The following MYOM1 variants were observed in gnomAD, a reference collection of about 807,000 sequenced individuals.
MYOM1 encodes the protein myomesin 1.
Under a neutral mutation model 205.3 loss-of-function variants are expected in MYOM1, and 164 were observed. The ratio of observed to expected loss-of-function variants is 0.80; its 90% CI spans 0.70 to 0.91. MYOM1 has a LOEUF of 0.91. MYOM1 is among the 40% of genes least tolerant of loss of function. The pLI, the probability that MYOM1 is intolerant of heterozygous loss-of-function variation, is 0.00. For missense variants in MYOM1, 2,011 were observed against 2,127.3 expected (o/e 0.95, Z 1.08); for synonymous variants, 772 against 789.4 (o/e 0.98, Z 0.37).
At chr18:3,214,064 T>A (rs549651598) in intron 2 of MYOM1, among the ~76,000 whole-genome samples, 5 of 152,342 alleles carry the variant, frequency 3.3e-5, no homozygotes, top group Admixed American at 6.5e-5. Flanking sequence ...CTATTATTCT[T>A]AGACTGACTG....
intron 2 of MYOM1, among the ~76,000 whole-genome samples, chr18:3,203,165 A>AT (rs1419784688): frequency 6.6e-6 from 1 of 151,502 alleles, no homozygotes; most frequent in African/African-American, 2.4e-5. Context: ...AGGGACATAT[A>AT]TAGCTTTAAG....
intron 13 of MYOM1, among the ~76,000 whole-genome samples, chr18:3,147,253 C>T (rs2080142874): frequency 6.6e-6 from 1 of 150,600 alleles, no homozygotes; most frequent in Admixed American, 6.6e-5. Context: ...ATTTTCAATT[C>T]AAACAAATCT....
At chr18:3,182,538 G>A (rs1399629287) in intron 5 of MYOM1, among the ~76,000 whole-genome samples, 2 of 152,010 alleles carry the variant, frequency 1.3e-5, no homozygotes. Context: ...TAGGTAATAC[G>A]TTTACATGGT....
At chr18:3,165,323 AC>A (rs1415091130) in intron 9 of MYOM1, among the ~76,000 whole-genome samples, 1 of 152,190 alleles carries the variant, frequency 6.6e-6, no homozygotes, top group Non-Finnish European at 1.5e-5. Flanking sequence ...TATGGCTTTA[AC>A]CTGTGGAGGT....
intron 16 of MYOM1, among the ~76,000 whole-genome samples, chr18:3,132,592 T>C (rs1156724353): frequency 6.6e-6 from 1 of 152,184 alleles, no homozygotes; most frequent in African/African-American, 2.4e-5. Context: ...ATTAATAATA[T>C]GATCAATGAC....
Position 3,085,135 on chromosome 18 carries a change from A to C in MYOM1, c.4252-3T>G. On this transcript the variant is annotated splice_region_variant and splice_polypyrimidine_tract_variant and intron_variant, in intron 30 of 37. Coordinates refer to ENST00000356443, the MANE Select transcript of MYOM1 (RefSeq NM_003803.4). ...ATCCCAGCATCTTTCTTGGAAAACT[A>C]AGGGGGAATAGATATACCACATTGC... 1 of 1,599,862 alleles carries C rather than the reference A, an allele frequency of 6.3e-7. No homozygotes were observed. Among genetic ancestry groups the C allele is most frequent in the Non-Finnish European group, 8.5e-7 (1 of 1,172,766 alleles).
chr18:3,189,018 G>A lies in MYOM1; in HGVS notation c.501C>T (p.Ala167=), dbSNP rs2144151146. The stretch of plus-strand genomic sequence containing the variant: ...CCTCACTAGCAAGAAGATTCCTCTG[G>A]GCTATATAAGCAGCAGCTTCTTTAA... ...ERIKEAAAYI[A]QRNLLASEEG... The change falls in exon 4 of 38, where the codon GCC becomes GCT. Residue 167 remains alanine, a synonymous_variant. Transcript: ENST00000356443. This position sits in a 1 kb window ranked among gnomAD's most constrained non-coding sequence, Gnocchi z 4.8. The A allele has an allele frequency of 6.2e-7, 1 of 1,613,410 alleles. No homozygotes were observed. The highest frequency in any genetic ancestry group is 8.5e-7 in the Non-Finnish European group (1 of 1,179,804).
chr18:3,156,646 C>T (rs1177249996), intron 10 of MYOM1, among the ~76,000 whole-genome samples: 1 of 150,720 alleles, frequency 6.6e-6, no homozygotes, highest in African/African-American at 2.4e-5. Flanking sequence ...TGCTCTGTCA[C>T]CCAGGCTGGA....
chr18:3,184,645 G>A (rs2080785153), intron 5 of MYOM1, among the ~76,000 whole-genome samples: 2 of 152,176 alleles, frequency 1.3e-5, no homozygotes, highest in Non-Finnish European at 2.9e-5. Context: ...GCTCACTGAA[G>A]CCTTGTTGTT....
upstream of MYOM1, among the ~76,000 whole-genome samples, chr18:3,220,930 CATGT>C (rs1179830524): frequency 6.6e-6 from 1 of 152,196 alleles, no homozygotes; most frequent in African/African-American, 2.4e-5. Flanking sequence ...TGTTAGATTA[CATGT>C]ATGCAGCAGG....
chr18:3,072,811 T>C (rs1424116030), intron 36 of MYOM1, among the ~76,000 whole-genome samples: 1 of 152,090 alleles, frequency 6.6e-6, no homozygotes, highest in Non-Finnish European at 1.5e-5. Context: ...CCCTGACCCT[T>C]CTGCAGCTTA....
chr18:3,169,584 T>C (rs1285622814), intron 8 of MYOM1, among the ~76,000 whole-genome samples: 1 of 151,998 alleles, frequency 6.6e-6, no homozygotes, highest in Non-Finnish European at 1.5e-5. Flanking sequence ...TTGAGAGAAA[T>C]GCAAATCAAA....
chr18:3,109,501 C>T (rs2079496203), intron 22 of MYOM1, among the ~76,000 whole-genome samples: 2 of 152,160 alleles, frequency 1.3e-5, no homozygotes, highest in Non-Finnish European at 1.5e-5. Flanking sequence ...AGATGAGAGG[C>T]CATCCCACTT....
At chr18:3,226,332 C>T in the MYOM1 span, among the ~76,000 whole-genome samples, 1 of 152,130 alleles carries the variant, frequency 6.6e-6, no homozygotes, top group African/African-American at 2.4e-5. This position sits in a 1 kb window ranked among gnomAD's most constrained non-coding sequence, Gnocchi z 4.6. Flanking sequence ...TGCTTCAAAC[C>T]TTCCAATGGC....
intron 14 of MYOM1, among the ~76,000 whole-genome samples, chr18:3,139,190 G>A (rs113891121): frequency 2.2e-4 from 33 of 152,152 alleles, no homozygotes; most frequent in African/African-American, 6.8e-4. Flanking sequence ...AGAATTAAGT[G>A]GGTTAACTCA....
chr18:3,206,452 A>G (rs1421716510), intron 2 of MYOM1, among the ~76,000 whole-genome samples: 1 of 152,202 alleles, frequency 6.6e-6, no homozygotes, highest in African/African-American at 2.4e-5. Context: ...GGGCTTCAGC[A>G]TCTGAATTAC....
intron 12 of MYOM1, among the ~76,000 whole-genome samples, chr18:3,150,654 A>G (rs1182987053): frequency 6.6e-6 from 1 of 152,154 alleles, no homozygotes; most frequent in Non-Finnish European, 1.5e-5. Flanking sequence ...TAAGCCTGAA[A>G]TGTTACTATC....
the MYOM1 span, among the ~76,000 whole-genome samples, chr18:3,241,664 G>A: frequency 2.0e-5 from 3 of 152,246 alleles, no homozygotes; most frequent in Admixed American, 6.5e-5. Context: ...CAGTGGAGCT[G>A]TGAGAAGAGG....
intron 26 of MYOM1, among the ~76,000 whole-genome samples, chr18:3,091,207 C>T (rs921924699): frequency 2.6e-5 from 4 of 151,820 alleles, no homozygotes; most frequent in Admixed American, 2.0e-4. Context: ...TCCCAGCTAC[C>T]TGGGAGGCTG....
Sources: allele counts gnomAD v4.1 joint callset (sites outside exome capture counted in the v4.1 genomes callset), GRCh38; gene constraint gnomAD v4.1.1; non-coding constraint Gnocchi (gnomAD v3.1); transcripts MANE v1.5; gene names NCBI Gene and HGNC (gene_info 2026-07-23, HGNC 2026-07-21).